The following CTNNA2 variants were observed in gnomAD, a reference collection of about 807,000 sequenced individuals.
CTNNA2 encodes the protein catenin alpha 2.
CTNNA2 carries 42 observed loss-of-function variants against 101.0 expected under a neutral mutation model. The ratio of observed to expected loss-of-function variants is 0.42; its 90% CI spans 0.32 to 0.54. The LOEUF is 0.54. Ranked by LOEUF, CTNNA2 falls within the 20% of genes least tolerant of loss-of-function variation. CTNNA2 has a pLI of 0.14. For missense variants in CTNNA2, 871 were observed against 1,223.1 expected, an observed-to-expected ratio of 0.71 and a Z score of 4.29; for synonymous variants, 450 against 456.4, an observed-to-expected ratio of 0.99 and a Z score of 0.18.
At chr2:80,484,270 A>C (rs984833294) in intron 9 of CTNNA2, among the ~76,000 whole-genome samples, 1 of 152,188 alleles carries the variant, frequency 6.6e-6, no homozygotes. Context: ...ACACGTACCT[A>C]TGATAATCCA....
intron 4 of CTNNA2, among the ~76,000 whole-genome samples, chr2:79,408,461 C>T (rs74859522): frequency 0.047 from 6,165 of 132,206 alleles, 345 homozygotes; most frequent in African/African-American, 0.14. Flanking sequence ...CCCCTCCCCT[C>T]ACCCCACAAG....
chr2:79,888,304 C>T (rs1426954850), intron 6 of CTNNA2, among the ~76,000 whole-genome samples: 2 of 152,166 alleles, frequency 1.3e-5, no homozygotes, highest in Non-Finnish European at 2.9e-5. Context: ...TCACTGCTTC[C>T]TGAGCTATAC....
At chr2:79,949,275 G>T (rs548578707) in intron 7 of CTNNA2, among the ~76,000 whole-genome samples, 1 of 152,262 alleles carries the variant, frequency 6.6e-6, no homozygotes, top group African/African-American at 2.4e-5. Flanking sequence ...AAGGAATAAC[G>T]TGCGTGGGAT....
At chr2:79,454,196 A>C (rs1192152303) in intron 4 of CTNNA2, among the ~76,000 whole-genome samples, 1 of 152,056 alleles carries the variant, frequency 6.6e-6, no homozygotes, top group African/African-American at 2.4e-5. Context: ...ATTCCCTCCC[A>C]ATTTCTCCCA....
At chr2:79,366,104 G>A (rs538147950) in intron 3 of CTNNA2, among the ~76,000 whole-genome samples, 2 of 152,286 alleles carry the variant, frequency 1.3e-5, no homozygotes, top group East Asian at 3.9e-4. Context: ...CTGCTAAAAG[G>A]CAAGAGATCA....
At chr2:79,315,517 G>A (rs781075667) in intron 3 of CTNNA2, among the ~76,000 whole-genome samples, 11 of 152,166 alleles carry the variant, frequency 7.2e-5, no homozygotes, top group African/African-American at 1.7e-4. Flanking sequence ...GGTCTTTTGC[G>A]ACAGGCTTTT....
intron 3 of CTNNA2, among the ~76,000 whole-genome samples, chr2:79,319,508 A>G (rs1231852205): frequency 6.6e-6 from 1 of 151,990 alleles, no homozygotes; most frequent in Non-Finnish European, 1.5e-5. Context: ...ATCTTCATCC[A>G]CAGCAACCTC....
chr2:79,220,423 T>C (rs1674327324), intron 2 of CTNNA2, among the ~76,000 whole-genome samples: 1 of 151,980 alleles, frequency 6.6e-6, no homozygotes, highest in South Asian at 2.1e-4. Context: ...ATCCCAGAAG[T>C]AGACTTTCTA....
chr2:80,582,036 C>A (rs1695586711), intron 14 of CTNNA2, among the ~76,000 whole-genome samples: 1 of 152,120 alleles, frequency 6.6e-6, no homozygotes, highest in East Asian at 1.9e-4. Flanking sequence ...TTTGCTATCA[C>A]TGGAAACATA....
In CTNNA2 at chr2:79,452,341, T is replaced by C. The variant is rs189358917; in HGVS notation, c.-134-52713T>C. ...CCTCAACCACTAGACATATCTTCAGTGAAACTTCACAGTTAAAATATCTCC... is the reference window on the plus strand; with the variant it reads ...CCTCAACCACTAGACATATCTTCAGCGAAACTTCACAGTTAAAATATCTCC... On this transcript the variant is annotated intron_variant, in intron 4 of 21. Transcript: ENST00000466387. Among the ~76,000 whole-genome samples the C allele has an allele frequency of 2.2e-4, 34 of 151,924 alleles. No individual in the cohort carries two copies. The East Asian group carries it at 6.7e-3, about 30-fold the overall frequency.
At chr2:80,382,189 A>G (rs996338086) in intron 7 of CTNNA2, among the ~76,000 whole-genome samples, 3 of 152,190 alleles carry the variant, frequency 2.0e-5, no homozygotes, top group African/African-American at 4.8e-5. Context: ...CCAAGTAGCT[A>G]GAATACTATT....
intron 14 of CTNNA2, among the ~76,000 whole-genome samples, chr2:80,583,379 C>A (rs1029137110): frequency 1.3e-5 from 2 of 152,116 alleles, no homozygotes; most frequent in Non-Finnish European, 2.9e-5. Flanking sequence ...TATTTAATCC[C>A]CCCTAAAATG....
chr2:80,128,755 A>G (rs933223403), intron 7 of CTNNA2, among the ~76,000 whole-genome samples: 7 of 152,152 alleles, frequency 4.6e-5, no homozygotes, highest in Admixed American at 1.3e-4. Context: ...TGTTCCATCT[A>G]TATGACCCCG....
chr2:79,494,890 C>T (rs1349121437), intron 4 of CTNNA2, among the ~76,000 whole-genome samples: 2 of 152,106 alleles, frequency 1.3e-5, no homozygotes, highest in East Asian at 3.9e-4. Context: ...GCGGGCGGAT[C>T]ACGAGGTCAG....
chr2:79,645,052 G>A (rs1249421797), intron 1 of CTNNA2, among the ~76,000 whole-genome samples: 2 of 151,706 alleles, frequency 1.3e-5, no homozygotes, highest in African/African-American at 2.4e-5. Context: ...GCATGATCTC[G>A]GCTCACTGCA....
intron 7 of CTNNA2, among the ~76,000 whole-genome samples, chr2:80,027,306 A>G (rs1422302100): frequency 6.6e-6 from 1 of 152,210 alleles, no homozygotes; most frequent in Non-Finnish European, 1.5e-5. Flanking sequence ...GAACAGACAA[A>G]AAAACCGCAT....
At chr2:80,462,199 T>C (rs896363280) in intron 9 of CTNNA2, among the ~76,000 whole-genome samples, 10 of 152,192 alleles carry the variant, frequency 6.6e-5, no homozygotes, top group Admixed American at 6.5e-4. Context: ...CACAGGTTAA[T>C]TTTGTCTGGT....
chr2:80,531,874 A>G lies in CTNNA2; in HGVS notation c.1291-13108A>G, dbSNP rs556552680. Among the ~76,000 whole-genome samples the G allele has an allele frequency of 2.0e-5, 3 of 152,294 alleles. No homozygotes were observed. The East Asian group carries it at 5.8e-4, about 29-fold the overall frequency. On this transcript the variant is annotated intron_variant, in intron 9 of 18. Transcript: ENST00000402739. ...CAGGTCTGAAAAAATTAAATGGTTA[A>G]ATCTCACCAAGTTTTCATCTAAACT... is the stretch of plus-strand genomic sequence containing the variant.
intron 3 of CTNNA2, among the ~76,000 whole-genome samples, chr2:79,831,749 T>G (rs1004229227): frequency 2.0e-5 from 3 of 152,060 alleles, no homozygotes; most frequent in Admixed American, 6.6e-5. Flanking sequence ...TACACATTTT[T>G]TTTTTAAATC....
Sources: gnomAD v4.1 joint callset for allele counts (sites outside exome capture counted in the v4.1 genomes callset) on GRCh38, gnomAD v4.1.1 for gene constraint, MANE v1.5 for transcripts, NCBI Gene and HGNC (gene_info 2026-07-23, HGNC 2026-07-21) for gene names.